The following VWC2 variants were observed in gnomAD, a reference collection of about 807,000 sequenced individuals.
VWC2 encodes von Willebrand factor C domain containing 2, also known as brorin.
VWC2 carries 14 observed loss-of-function variants against 29.8 expected under a neutral mutation model. That is an observed-to-expected ratio of 0.47 (90% CI 0.31 to 0.74). The LOEUF (loss-of-function observed/expected upper bound fraction) is 0.74. Among genes scored for constraint, VWC2 ranks in the 30% least tolerant of loss-of-function variants. VWC2 has a pLI of 0.05. For missense variants in VWC2, 457 were observed against 459.8 expected, an observed-to-expected ratio of 0.99 and a Z score of 0.05; for synonymous variants, 213 against 199.0, an observed-to-expected ratio of 1.07 and a Z score of -0.59.
chr7:49,788,536 TGA>T (rs1788356396), intron 2 of VWC2, among the ~76,000 whole-genome samples: 2 of 149,054 alleles, frequency 1.3e-5, no homozygotes, highest in East Asian at 2.0e-4. Flanking sequence ...TGAGACAGTG[TGA>T]GTGTATGTGT....
chr7:49,812,453 C>T (rs887950805), intron 3 of VWC2, among the ~76,000 whole-genome samples: 10 of 152,268 alleles, frequency 6.6e-5, no homozygotes, highest in African/African-American at 2.4e-4. Flanking sequence ...TTTTCTAATC[C>T]TGGTCTGATG....
intron 2 of VWC2, among the ~76,000 whole-genome samples, chr7:49,791,525 T>C (rs1212374055): frequency 1.3e-5 from 2 of 152,220 alleles, no homozygotes; most frequent in African/African-American, 4.8e-5. Context: ...CAGTTGTTCT[T>C]GTTAAAGTTT....
At chr7:49,858,810 T>C (rs1790533907) in intron 3 of VWC2, among the ~76,000 whole-genome samples, 4 of 152,350 alleles carry the variant, frequency 2.6e-5, no homozygotes, top group African/African-American at 9.6e-5. Context: ...ATGTTACTTA[T>C]TTTTTATGTT....
At chr7:49,861,084 C>T (rs771792004) in intron 3 of VWC2, among the ~76,000 whole-genome samples, 7 of 152,230 alleles carry the variant, frequency 4.6e-5, no homozygotes, top group Non-Finnish European at 7.3e-5. Flanking sequence ...GGTGTCTGCA[C>T]AGTTTTACAT....
At chr7:49,885,882 T>TG (rs1329730134) in intron 3 of VWC2, among the ~76,000 whole-genome samples, 2 of 152,226 alleles carry the variant, frequency 1.3e-5, no homozygotes, top group African/African-American at 2.4e-5. Flanking sequence ...TACAGGCCCT[T>TG]GGCATGGCAG....
intron 3 of VWC2, among the ~76,000 whole-genome samples, chr7:49,876,650 T>C (rs1276065950): frequency 2.0e-5 from 3 of 152,144 alleles, no homozygotes; most frequent in Non-Finnish European, 2.9e-5. Context: ...TGCCTTGTTG[T>C]TTTTTAGAAG....
chr7:49,782,149 C>T (rs1400366679), intron 2 of VWC2, among the ~76,000 whole-genome samples: 4 of 152,194 alleles, frequency 2.6e-5, no homozygotes, highest in African/African-American at 9.7e-5. Flanking sequence ...TGAAATGATT[C>T]CCAGATGGCA....
intron 3 of VWC2, among the ~76,000 whole-genome samples, chr7:49,849,629 A>G (rs770759012): frequency 7.2e-5 from 11 of 152,252 alleles, no homozygotes. Context: ...GTGTGAGAAC[A>G]TGCACCATTA....
chr7:49,783,160 C>T (rs140215206), intron 2 of VWC2, among the ~76,000 whole-genome samples: 12 of 152,220 alleles, frequency 7.9e-5, no homozygotes, highest in East Asian at 7.7e-4. Context: ...TAAGTCCCAA[C>T]GGAAACATTA....
chr7:49,896,601 A>C (rs565719800), intron 3 of VWC2, among the ~76,000 whole-genome samples: 1 of 152,300 alleles, frequency 6.6e-6, no homozygotes, highest in South Asian at 2.1e-4. Context: ...GAAACCAAAA[A>C]CTGGTTGGTT....
chr7:49,820,515 A>G (rs142627938), intron 3 of VWC2, among the ~76,000 whole-genome samples: 2 of 152,194 alleles, frequency 1.3e-5, no homozygotes, highest in African/African-American at 4.8e-5. Flanking sequence ...ATACAAATTT[A>G]TTTTTAAAAA....
rs1040528709 is a variant in VWC2 at position 49,913,331 on chromosome 7, C to T, written c.*1146C>T. The T allele has an allele frequency of 6.6e-6, 1 of 152,104 alleles. No homozygotes were observed. Among genetic ancestry groups the T allele is most frequent in the African/African-American group, 2.4e-5 (1 of 41,422 alleles). The allele number at this position is 152,104 out of a possible 1,614,324, so 9.4% of individuals were successfully genotyped here. A position where few individuals can be genotyped will look rare whatever the true frequency, so the allele number is the denominator to read the frequency against. On this transcript the variant is annotated 3_prime_UTR_variant, in exon 4 of 4. Transcript: ENST00000340652. ...CTTTTCTCTTCATTTGAACAGAGAACATAAAAAGCCACTGCAAAGTCCTGC... is the reference window on the plus strand; with the variant it reads ...CTTTTCTCTTCATTTGAACAGAGAATATAAAAAGCCACTGCAAAGTCCTGC...
Position 49,921,477 on chromosome 7 carries a change from C to T in VWC2, c.*9292C>T, listed in dbSNP as rs1583845258. 6.6e-6 allele frequency: 1 copy of T among 152,046 alleles called. No homozygotes were observed. The highest frequency in any genetic ancestry group is 6.6e-5 in the Admixed American group (1 of 15,238). 9.4% of individuals were successfully genotyped at this position (152,046 alleles called of 1,614,324 possible). A position where few individuals can be genotyped will look rare whatever the true frequency, so the allele number is the denominator to read the frequency against. Reference sequence around the variant, plus strand: ...GGCCTTTGGAGGTCTGATTCTAATCCCAGTTCTACCACTTACTGGTTATTT... The same window carrying T: ...GGCCTTTGGAGGTCTGATTCTAATCTCAGTTCTACCACTTACTGGTTATTT... On this transcript the variant is annotated 3_prime_UTR_variant, in exon 4 of 4. Coordinates refer to ENST00000340652, the MANE Select transcript of VWC2 (RefSeq NM_198570.5).
At chr7:49,871,252 G>A (rs905314102) in intron 3 of VWC2, among the ~76,000 whole-genome samples, 2 of 151,978 alleles carry the variant, frequency 1.3e-5, no homozygotes, top group Non-Finnish European at 1.5e-5. Context: ...TAAAAAATTG[G>A]GCATTTTTGC....
At chr7:49,861,442 TC>T (rs1790650407) in intron 3 of VWC2, among the ~76,000 whole-genome samples, 1 of 152,216 alleles carries the variant, frequency 6.6e-6, no homozygotes, top group Non-Finnish European at 1.5e-5. Flanking sequence ...CTGTTTGCTG[TC>T]TTTTCACTGT....
intron 3 of VWC2, among the ~76,000 whole-genome samples, chr7:49,856,292 T>C (rs1790413862): frequency 6.6e-6 from 1 of 152,158 alleles, no homozygotes; most frequent in African/African-American, 2.4e-5. Context: ...GTTCTCAATC[T>C]ATTATCTCAA....
intron 2 of VWC2, among the ~76,000 whole-genome samples, chr7:49,788,892 G>A (rs1324799503): frequency 6.8e-6 from 1 of 147,478 alleles, no homozygotes; most frequent in East Asian, 2.0e-4. Context: ...GGTGTGTGTG[G>A]AGTGAGTGTG....
intron 3 of VWC2, among the ~76,000 whole-genome samples, chr7:49,845,104 G>A (rs1483936076): frequency 6.6e-6 from 1 of 152,114 alleles, no homozygotes; most frequent in African/African-American, 2.4e-5. Flanking sequence ...CACATGGGCG[G>A]GAACAACACA....
chr7:49,776,042 G>C lies in VWC2; in HGVS notation c.607G>C (p.Asp203His). 1 of 1,548,220 alleles carries C rather than the reference G, an allele frequency of 6.5e-7. No homozygotes were observed. The highest frequency in any genetic ancestry group is 8.7e-7 in the Non-Finnish European group (1 of 1,152,826). ...GCTGCACCCGCGCTGCATCCACGTC[G>C]ACACGAGCCAGTGCTGCCCGCAGTG... ...PRLHPRCIHV[D>H]TSQCCPQCKE... The change falls in exon 2 of 4, where the codon GAC (aspartate) becomes CAC (histidine). Residue 203 changes from aspartate (D) to histidine (H), a missense_variant. Asp to His is a moderately conservative substitution (Grantham distance 81). Coordinates refer to ENST00000340652, the MANE Select transcript of VWC2 (RefSeq NM_198570.5).
Sources: allele counts gnomAD v4.1 joint callset (sites outside exome capture counted in the v4.1 genomes callset), GRCh38; gene constraint gnomAD v4.1.1; transcripts MANE v1.5; gene names NCBI Gene and HGNC (gene_info 2026-07-23, HGNC 2026-07-21).